Variants in AK5 observed in about 807,000 individuals in gnomAD.
AK5 encodes adenylate kinase 5.
A neutral mutation model predicts 69.5 loss-of-function variants in AK5; 27 were observed. The ratio of observed to expected loss-of-function variants is 0.39; its 90% CI spans 0.29 to 0.54. AK5 has a LOEUF of 0.54. Ranked by LOEUF, AK5 falls within the 20% of genes least tolerant of loss-of-function variation. The pLI, the probability that AK5 is intolerant of heterozygous loss-of-function variation, is 0.71. For synonymous variants in AK5, 260 were observed against 244.4 expected (o/e 1.06, Z -0.60); for missense variants, 531 against 700.4 (o/e 0.76, Z 2.73).
At position 77,502,756 on chromosome 1, in the gene AK5, A is replaced by G. The variant is rs1422761036; in HGVS notation, c.1148-15808A>G. On this transcript the variant is annotated intron_variant, in intron 10 of 13. Transcript: ENST00000354567. ...AGCAGAGTTTAGCTGCACCTCCCAG[A>G]GGCCTACAGTTTACTCTCAAAGTGA... is the stretch of plus-strand genomic sequence containing the variant. Among the ~76,000 whole-genome samples the G allele has an allele frequency of 2.0e-5, 3 of 152,208 alleles. No homozygotes were observed. In the East Asian group the frequency reaches 5.8e-4, roughly 29 times the overall value.
chr1:77,464,541 G>A (rs891699930), intron 8 of AK5, among the ~76,000 whole-genome samples: 4 of 152,162 alleles, frequency 2.6e-5, no homozygotes, highest in African/African-American at 9.7e-5. Context: ...AGTTGGGTAG[G>A]TAGCTAGGCA....
At chr1:77,286,872 T>C (rs1449702086) in intron 1 of AK5, 69 bp from the exon 2 acceptor site, 6 of 995,578 alleles carry the variant, frequency 6.0e-6, no homozygotes, top group Non-Finnish European at 8.0e-6. Context: ...TTAAATTAAA[T>C]TAAATTAAAG....
Position 77,559,241 on chromosome 1 carries a change from A to AATT in AK5, c.*572_*574dup, listed in dbSNP as rs778164491. On this transcript the variant is annotated 3_prime_UTR_variant, in exon 14 of 14. Coordinates refer to ENST00000354567, the MANE Select transcript of AK5 (RefSeq NM_174858.3). The stretch of plus-strand genomic sequence containing the variant: ...TGATATAGAGGCATCAAGCAAGTAA[A>AATT]ATTTGACAGAAATTTTAAAATATGA... 6.6e-6 allele frequency: 1 copy of AATT among 152,190 alleles called. No individual in the cohort carries two copies. The highest frequency in any genetic ancestry group is 2.1e-4 in the South Asian group (1 of 4,834). The allele number at this position is 152,190 out of a possible 1,614,324, so 9.4% of individuals were successfully genotyped here. A position where few individuals can be genotyped will look rare whatever the true frequency, so the allele number is the denominator to read the frequency against.
In AK5 at chr1:77,395,121, CT is replaced by C. The variant is rs926206794; in HGVS notation, c.892-15850del. Among the ~76,000 whole-genome samples, 94 of 147,856 alleles carry C rather than the reference CT, an allele frequency of 6.4e-4. No individual in the cohort carries two copies. The Middle Eastern group carries it at 0.014, about 22-fold the overall frequency. On this transcript the variant is annotated intron_variant, in intron 6 of 13. Coordinates refer to ENST00000354567, the MANE Select transcript of AK5 (RefSeq NM_174858.3). ...ACACTGCTGAGAGACATAATGGATT[CT>C]TTTTTTTTTAGGATAAGAATGGAGC...
At chr1:77,347,127 G>A (rs964555659) in intron 6 of AK5, among the ~76,000 whole-genome samples, 11 of 152,158 alleles carry the variant, frequency 7.2e-5, no homozygotes, top group Admixed American at 2.6e-4. Flanking sequence ...TAATAGGAAA[G>A]GCCATGGAAG....
chr1:77,444,439 AC>A (rs2100645057), intron 8 of AK5, among the ~76,000 whole-genome samples: 1 of 49,632 alleles, frequency 2.0e-5, no homozygotes, highest in African/African-American at 9.7e-5. Flanking sequence ...ATAAATATAT[AC>A]TATATATAGT....
Position 77,559,774 on chromosome 1 carries a change from T to C in AK5, c.*1104T>C, listed in dbSNP as rs4949660. On this transcript the variant is annotated 3_prime_UTR_variant, in exon 14 of 14. Coordinates refer to ENST00000354567, the MANE Select transcript of AK5 (RefSeq NM_174858.3). ...TCAGTTGTAAAATCAGAGCTGCTTA[T>C]ATATTCTACTGGAATAACTGCATCT... The C allele has an allele frequency of 0.3, 45,098 of 152,236 alleles. 8,554 individuals are homozygous for C. Among genetic ancestry groups the C allele is most frequent in the Admixed American group, 0.43 (6,551 of 15,274 alleles). 9.4% of individuals were successfully genotyped at this position (152,236 alleles called of 1,614,324 possible).
At chr1:77,546,450 T>C (rs1015450331) in intron 13 of AK5, among the ~76,000 whole-genome samples, 2 of 152,106 alleles carry the variant, frequency 1.3e-5, no homozygotes, top group African/African-American at 2.4e-5. Context: ...AGACATGTGC[T>C]TGTAATCCCA....
intron 10 of AK5, among the ~76,000 whole-genome samples, chr1:77,501,125 G>A (rs1032880779): frequency 2.0e-5 from 3 of 152,212 alleles, no homozygotes; most frequent in African/African-American, 7.2e-5. Flanking sequence ...AGAGGGCTGA[G>A]GAGAGAGGGA....
intron 13 of AK5, among the ~76,000 whole-genome samples, chr1:77,542,543 G>T (rs1659333287): frequency 6.6e-6 from 1 of 152,156 alleles, no homozygotes; most frequent in African/African-American, 2.4e-5. Flanking sequence ...CCAGAGAGAA[G>T]GGCTCGTTGT....
intron 10 of AK5, among the ~76,000 whole-genome samples, chr1:77,497,748 C>T (rs976429527): frequency 1.3e-5 from 2 of 152,074 alleles, no homozygotes; most frequent in African/African-American, 2.4e-5. Context: ...CCACCACGCC[C>T]GGCTTATTTG....
chr1:77,282,251 G>T lies in AK5; in HGVS notation c.-63G>T. The T allele has an allele frequency of 1.3e-6, 2 of 1,490,884 alleles. No homozygotes were observed. Among genetic ancestry groups the T allele is most frequent in the Non-Finnish European group, 9.0e-7 (1 of 1,106,070 alleles). The allele number at this position is 1,490,884 out of a possible 1,614,324, so 92.4% of individuals were successfully genotyped here. ...CTCTGCCAGCCCCAGCTTCAGCCCC[G>T]GCTCAGGTCGCCGCAGCCCGGGAGC... On this transcript the variant is annotated 5_prime_UTR_variant, in exon 1 of 14. Transcript: ENST00000354567.
chr1:77,496,991 C>T (rs577359983), intron 10 of AK5, among the ~76,000 whole-genome samples: 1 of 152,316 alleles, frequency 6.6e-6, no homozygotes, highest in South Asian at 2.1e-4. Context: ...GCCACCCCAG[C>T]CAGCAGCAGC....
chr1:77,451,453 G>A (rs544069631), intron 8 of AK5, among the ~76,000 whole-genome samples: 1 of 152,014 alleles, frequency 6.6e-6, no homozygotes, highest in Admixed American at 6.6e-5. Context: ...ATTGCAGAAC[G>A]CCTGTTTTTC....
At chr1:77,295,240 C>T (rs1253172301) in intron 3 of AK5, among the ~76,000 whole-genome samples, 1 of 152,106 alleles carries the variant, frequency 6.6e-6, no homozygotes, top group African/African-American at 2.4e-5. Flanking sequence ...AGACCCCATG[C>T]AAGGAAGTAG....
intron 10 of AK5, among the ~76,000 whole-genome samples, chr1:77,493,619 G>A (rs562733764): frequency 6.6e-6 from 1 of 152,254 alleles, no homozygotes; most frequent in East Asian, 1.9e-4. Context: ...TGGCCCAACT[G>A]GAGCACTGTT....
intron 10 of AK5, among the ~76,000 whole-genome samples, chr1:77,517,630 C>T (rs1428353367): frequency 6.6e-6 from 1 of 151,968 alleles, no homozygotes; most frequent in Non-Finnish European, 1.5e-5. Flanking sequence ...TATTTTCAGA[C>T]ATAAAATCCT....
intron 13 of AK5, among the ~76,000 whole-genome samples, chr1:77,537,602 A>G (rs1659041022): frequency 6.6e-6 from 1 of 152,134 alleles, no homozygotes; most frequent in Non-Finnish European, 1.5e-5. Flanking sequence ...CTCGAACTGG[A>G]GAAGGGAGAG....
rs146008764 is a variant in AK5, at chr1:77,332,724, C to T, written c.700-7653C>T. 5.7e-4 allele frequency among the ~76,000 whole-genome samples: 86 copies of T among 151,908 alleles called. 2 individuals carry two copies. In the East Asian group the frequency reaches 0.015, roughly 26 times the overall value. On this transcript the variant is annotated intron_variant, in intron 5 of 13. Coordinates refer to ENST00000354567, the MANE Select transcript of AK5 (RefSeq NM_174858.3). ...AAACTTGCTGAGGCTTCCTTTATGG[C>T]TCAGAATATATTCAACTTTTATGAC...
Sources: gnomAD v4.1 joint callset for allele counts (sites outside exome capture counted in the v4.1 genomes callset) on GRCh38, gnomAD v4.1.1 for gene constraint, MANE v1.5 for transcripts, NCBI Gene and HGNC (gene_info 2026-07-23, HGNC 2026-07-21) for gene names.